Variants in PCDHGA5 observed in about 807,000 individuals in gnomAD.
PCDHGA5 encodes the protein protocadherin gamma subfamily A, 5.
PCDHGA5 carries 36 observed loss-of-function variants against 56.7 expected under a neutral mutation model. That is an observed-to-expected ratio of 0.64 (90% CI 0.49 to 0.84). The LOEUF (loss-of-function observed/expected upper bound fraction) is 0.84, where lower values mean the gene tolerates loss of function less well. Among genes scored for constraint, PCDHGA5 ranks in the 40% least tolerant of loss-of-function variants. PCDHGA5 has a pLI of 0.00. For missense variants in PCDHGA5, 1,305 were observed against 1,201.5 expected, an observed-to-expected ratio of 1.09 and a Z score of -1.27; for synonymous variants, 563 against 520.2, an observed-to-expected ratio of 1.08 and a Z score of -1.12.
intron 1 of PCDHGA5, among the ~76,000 whole-genome samples, chr5:141,492,745 C>G (rs2099743569): frequency 6.6e-6 from 1 of 152,262 alleles, no homozygotes; most frequent in Non-Finnish European, 1.5e-5. Flanking sequence ...GTGGCCGAGG[C>G]GCGGCAGGGC....
intron 1 of PCDHGA5, chr5:141,418,573 C>T (rs749104686): frequency 6.2e-7 from 1 of 1,613,944 alleles, no homozygotes; most frequent in Non-Finnish European, 8.5e-7. Flanking sequence ...CCAATGACAA[C>T]CCCCCAGTGT....
chr5:141,365,543 T>C lies in PCDHGA5; in HGVS notation c.1213T>C (p.Leu405=). The C allele has an allele frequency of 6.2e-7, 1 of 1,613,830 alleles. No individual in the cohort carries two copies. The change falls in exon 1 of 4, where the codon TTA becomes CTA. Residue 405 remains leucine, a synonymous_variant. Coordinates refer to ENST00000518069, the MANE Select transcript of PCDHGA5 (RefSeq NM_018918.3). ...GTCAGTTGATAATTACTATCACCTA[T>C]TAACAACTAGGGACCTGGACAGAGA... The part of the protein sequence containing the change: ...EKSVDNYYHL[L]TTRDLDREET...
At chr5:141,381,826 C>CTTCTTTTTTTTTTTTTTT (rs1777532522) in intron 1 of PCDHGA5, among the ~76,000 whole-genome samples, 1 of 74,284 alleles carries the variant, frequency 1.3e-5, no homozygotes, top group African/African-American at 6.2e-5. Flanking sequence ...CTTTCTTCTT[C>CTTCTTTTTTTTTTTTTTT]TTTTTTTTTT....
intron 1 of PCDHGA5, chr5:141,410,314 C>T: frequency 6.2e-7 from 1 of 1,614,036 alleles, no homozygotes; most frequent in Non-Finnish European, 8.5e-7. Context: ...TGCTCTTCCT[C>T]CTCGCCGTGA....
chr5:141,483,538 G>C (rs571240759), intron 1 of PCDHGA5, among the ~76,000 whole-genome samples: 1 of 152,230 alleles, frequency 6.6e-6, no homozygotes, highest in African/African-American at 2.4e-5. Flanking sequence ...AAGCTGGGTG[G>C]TTGACAGTGC....
chr5:141,383,504 G>A lies in PCDHGA5; in HGVS notation c.2421+16753G>A, dbSNP rs373658496. On this transcript the variant is annotated intron_variant, in intron 1 of 3. Coordinates refer to ENST00000518069, the MANE Select transcript of PCDHGA5 (RefSeq NM_018918.3). Reference sequence around the variant, plus strand: ...CTGGTGCTGGAGCGGGTGCTGGACCGGGAGGAAGAGCGGGTTCACCACCTG... The same window carrying A: ...CTGGTGCTGGAGCGGGTGCTGGACCAGGAGGAAGAGCGGGTTCACCACCTG... 1.3e-5 allele frequency: 21 copies of A among 1,612,648 alleles called. No homozygotes were observed. In the Admixed American group the frequency reaches 2.8e-4, roughly 22 times the overall value.
chr5:141,478,758 T>C (rs1333135263), intron 1 of PCDHGA5: 2 of 1,515,540 alleles, frequency 1.3e-6, no homozygotes, highest in South Asian at 1.3e-5. Flanking sequence ...AGGGGGAAGA[T>C]ACTTGACTCA....
chr5:141,485,525 C>A lies in PCDHGA5; in HGVS notation c.2422-9282C>A. On this transcript the variant is annotated intron_variant, in intron 1 of 3. Transcript: ENST00000518069. This position sits in a 1 kb window ranked among gnomAD's most constrained non-coding sequence, Gnocchi z 5.7. ...CACCGAAGGTCCTTTGGAAATGTAC[C>A]GAGCAGAGGTAGAGATCGTAGATGT... The A allele has an allele frequency of 5.6e-6, 9 of 1,614,122 alleles. No individual in the cohort carries two copies. Among genetic ancestry groups the A allele is most frequent in the Non-Finnish European group, 7.6e-6 (9 of 1,180,022 alleles).
rs755706235 is a variant in PCDHGA5 at position 141,476,450 on chromosome 5, G to A, written c.2422-18357G>A. ...TTGCACTGTAACTCTGGAGTTGGTA[G>A]TGGAGAACCCGCTGGAGCTGTTCAG... On this transcript the variant is annotated intron_variant, in intron 1 of 3. Transcript: ENST00000518069. The surrounding 1 kb of genome is among the most constrained non-coding windows in gnomAD (Gnocchi z 7.6). The A allele has an allele frequency of 6.2e-7, 1 of 1,614,180 alleles. No individual in the cohort carries two copies. The highest frequency in any genetic ancestry group is 8.5e-7 in the Non-Finnish European group (1 of 1,180,040).
intron 1 of PCDHGA5, among the ~76,000 whole-genome samples, chr5:141,457,938 G>A (rs915640623): frequency 6.6e-6 from 1 of 152,160 alleles, no homozygotes; most frequent in African/African-American, 2.4e-5. Flanking sequence ...GCTTTTATTG[G>A]CTCTGCATGT....
intron 1 of PCDHGA5, chr5:141,411,661 C>T (rs2095505180): frequency 6.6e-6 from 1 of 150,762 alleles, no homozygotes; most frequent in African/African-American, 2.4e-5. Context: ...GGTGGAGAAT[C>T]TCTTGAGCGC....
Position 141,489,662 on chromosome 5 carries a change from G to T in PCDHGA5, c.2422-5145G>T, listed in dbSNP as rs2233601. On this transcript the variant is annotated intron_variant, in intron 1 of 3. Transcript: ENST00000518069. The surrounding 1 kb of genome is among the most constrained non-coding windows in gnomAD (Gnocchi z 4.5). Reference sequence around the variant, plus strand: ...TTTGCCACCCCTGAGCGAGAGATGCGCATCTCAGAATCAGCAGCATCTGGG... The same window carrying T: ...TTTGCCACCCCTGAGCGAGAGATGCTCATCTCAGAATCAGCAGCATCTGGG... 2.5e-6 allele frequency: 4 copies of T among 1,614,024 alleles called. No homozygotes were observed. The African/African-American group carries it at 4.0e-5, about 16-fold the overall frequency.
rs762996346 is a variant in PCDHGA5, at chr5:141,365,922, G to A, written c.1592G>A (p.Trp531Ter). The A allele has an allele frequency of 1.9e-6, 3 of 1,614,196 alleles. No homozygotes were observed. In the Admixed American group the frequency reaches 5.0e-5, roughly 27 times the overall value. ...DYEQLRDLQL[W>*]VTASDSGNPP... The stretch of plus-strand genomic sequence containing the variant: ...GAGCAGTTGAGAGACCTACAGTTGT[G>A]GGTGACAGCCAGCGACAGTGGGAAC... The change falls in exon 1 of 4, where the codon TGG (tryptophan) becomes TAG (stop). Residue 531 changes from tryptophan to a stop codon, truncating the protein, a stop_gained. Coordinates refer to ENST00000518069, the MANE Select transcript of PCDHGA5 (RefSeq NM_018918.3). LOFTEE classifies it high-confidence loss of function.
At chr5:141,460,989 A>G (rs199888312) in intron 1 of PCDHGA5, among the ~76,000 whole-genome samples, 3,445 of 98,242 alleles carry the variant, frequency 0.035, 55 homozygotes, top group African/African-American at 0.064. Context: ...GTGTGTATAT[A>G]TATATATGTG....
At chr5:141,368,452 C>G (rs75043959) in intron 1 of PCDHGA5, among the ~76,000 whole-genome samples, 11 of 151,980 alleles carry the variant, frequency 7.2e-5, no homozygotes, top group Middle Eastern at 3.4e-3. Context: ...ACAAACTCAC[C>G]GAATAGTGAA....
At chr5:141,497,209 TG>T (rs11343387) in intron 2 of PCDHGA5, among the ~76,000 whole-genome samples, 90,704 of 151,262 alleles carry the variant, frequency 0.6, 29,397 homozygotes, top group African/African-American at 0.86. Context: ...GTGAGTGTAA[TG>T]GGGGGGGGAA....
intron 1 of PCDHGA5, chr5:141,418,598 T>G: frequency 6.2e-7 from 1 of 1,614,010 alleles, no homozygotes; most frequent in Non-Finnish European, 8.5e-7. Flanking sequence ...CCAGGACGTG[T>G]ACAGGGTTAG....
intron 1 of PCDHGA5, among the ~76,000 whole-genome samples, chr5:141,482,356 G>A (rs1330274684): frequency 6.6e-6 from 1 of 152,118 alleles, no homozygotes; most frequent in Non-Finnish European, 1.5e-5. Flanking sequence ...TGTTGTGAGA[G>A]TGAAAAGTAA....
chr5:141,468,790 C>T (rs1215557602), intron 1 of PCDHGA5, among the ~76,000 whole-genome samples: 10 of 151,564 alleles, frequency 6.6e-5, no homozygotes, highest in African/African-American at 2.2e-4. Context: ...GGCGTGAACC[C>T]GGGAGGCGGA....
Sources: gnomAD v4.1 joint callset for allele counts (sites outside exome capture counted in the v4.1 genomes callset) on GRCh38, gnomAD v4.1.1 for gene constraint, Gnocchi (gnomAD v3.1) non-coding constraint, MANE v1.5 for transcripts, NCBI Gene and HGNC (gene_info 2026-07-23, HGNC 2026-07-21) for gene names.